CD81: variants seen among roughly 807,000 people sequenced by gnomAD.
CD81 encodes the protein CD81 antigen.
Under a neutral mutation model 30.1 loss-of-function variants are expected in CD81, and 10 were observed. The observed-to-expected ratio is 0.33, with a 90% confidence interval of 0.21 to 0.56. The LOEUF is 0.56. CD81 is among the 20% of genes least tolerant of loss of function. The pLI is 0.89. For synonymous variants in CD81, 147 were observed against 126.4 expected (o/e 1.16, Z -1.10); for missense variants, 263 against 308.7 (o/e 0.85, Z 1.11).
At chr11:2,379,733 T>A (rs1346027257) in intron 1 of CD81, among the ~76,000 whole-genome samples, 1 of 151,982 alleles carries the variant, frequency 6.6e-6, no homozygotes, top group Non-Finnish European at 1.5e-5. Context: ...CAAGGAAATG[T>A]CTCTGAGGCC....
At position 2,378,112 on chromosome 11, in the gene CD81, C is replaced by G. The variant is rs998287079; in HGVS notation, c.66+497C>G. ...GGTGGGGCGGGGGCGCACACTTTGC[C>G]GGAGGTTGGGGGCGATCCGCCTCAC... On this transcript the variant is annotated intron_variant, in intron 1 of 7. Coordinates refer to ENST00000263645, the MANE Select transcript of CD81 (RefSeq NM_004356.4). This position sits in a 1 kb window ranked among gnomAD's most constrained non-coding sequence, Gnocchi z 4.9. 1 of 152,068 alleles carries G rather than the reference C, an allele frequency of 6.6e-6. No homozygotes were observed. The highest frequency in any genetic ancestry group is 1.5e-5 in the Non-Finnish European group (1 of 68,040). The allele number at this position is 152,068 out of a possible 1,614,324, so 9.4% of individuals were successfully genotyped here.
At position 2,378,563 on chromosome 11, in the gene CD81, G is replaced by C. The variant is rs2133437872; in HGVS notation, c.66+948G>C. Among the ~76,000 whole-genome samples, 1 of 152,270 alleles carries C rather than the reference G, an allele frequency of 6.6e-6. No homozygotes were observed. The highest frequency in any genetic ancestry group is 1.9e-4 in the East Asian group (1 of 5,164). ...TCTTTGCTGCTGGGAAGTGACTGAT[G>C]GGCTTTCGCCTTTTGTTTCCATTTC... is the stretch of plus-strand genomic sequence containing the variant. On this transcript the variant is annotated intron_variant, in intron 1 of 7. Transcript: ENST00000263645. This position sits in a 1 kb window ranked among gnomAD's most constrained non-coding sequence, Gnocchi z 4.9.
upstream of CD81, chr11:2,376,348 T>C (rs576714277): frequency 2.0e-5 from 3 of 152,388 alleles, no homozygotes; most frequent in East Asian, 5.8e-4. Flanking sequence ...TGGTCCCACG[T>C]GGTTCCCAGG....
chr11:2,394,840 C>T, intron 3 of CD81, 132 bp from the exon 4 acceptor site: 2 of 827,714 alleles, frequency 2.4e-6, no homozygotes, highest in Non-Finnish European at 4.1e-6. Context: ...GCCGCTCACT[C>T]CTGGTCAGGT....
At position 2,396,062 on chromosome 11, in the gene CD81, C is replaced by T. The variant is rs909832483; in HGVS notation, c.561+92C>T. On this transcript the variant is annotated intron_variant, in intron 6 of 7. Coordinates refer to ENST00000263645, the MANE Select transcript of CD81 (RefSeq NM_004356.4). ...GTGGGCAGGTCACACGGCAGCCCCA[C>T]AGGGAGCGACCACACTGGGTGGCAT... 4.1e-5 allele frequency: 33 copies of T among 797,598 alleles called. No homozygotes were observed. In the Middle Eastern group the frequency reaches 1.3e-3, roughly 32 times the overall value. The allele number at this position is 797,598 out of a possible 1,614,324, so 49.4% of individuals were successfully genotyped here.
At chr11:2,381,990 C>T (rs1000324215) in intron 1 of CD81, among the ~76,000 whole-genome samples, 10 of 152,248 alleles carry the variant, frequency 6.6e-5, no homozygotes, top group East Asian at 3.8e-4. Context: ...TGGGCCCAAA[C>T]TAAGCCCCCC....
chr11:2,395,114 G>C lies in CD81; in HGVS notation c.354+68G>C. Reference sequence around the variant, plus strand: ...GGCACCCTCCTCTCCTGTCGCGGGTGGGGGTTGGGCTGACTCATGGCTTGT... The same window carrying C: ...GGCACCCTCCTCTCCTGTCGCGGGTCGGGGTTGGGCTGACTCATGGCTTGT... On this transcript the variant is annotated intron_variant, in intron 4 of 7. Coordinates refer to ENST00000263645, the MANE Select transcript of CD81 (RefSeq NM_004356.4). 4 of 1,367,334 alleles carry C rather than the reference G, an allele frequency of 2.9e-6. No homozygotes were observed. In the South Asian group the frequency reaches 4.7e-5, roughly 16 times the overall value. The allele number at this position is 1,367,334 out of a possible 1,614,324, so 84.7% of individuals were successfully genotyped here. A position where few individuals can be genotyped will look rare whatever the true frequency, so the allele number is the denominator to read the frequency against.
In CD81 at chr11:2,386,107, C is replaced by T. The variant is rs544481065; in HGVS notation, c.67-4305C>T. ...TTCGTGGCAGCCAGTCCACTGGGTG[C>T]GCTCGGCATGTGGCTGCAGCTTGAC... On this transcript the variant is annotated intron_variant, in intron 1 of 7. Coordinates refer to ENST00000263645, the MANE Select transcript of CD81 (RefSeq NM_004356.4). The T allele has an allele frequency of 3.8e-5, 27 of 717,404 alleles. 1 individual carries two copies. Among genetic ancestry groups the T allele is most frequent in the South Asian group, 2.8e-4 (19 of 67,596 alleles). 44.4% of individuals were successfully genotyped at this position (717,404 alleles called of 1,614,324 possible).
At chr11:2,382,817 C>T (rs1337229989) in intron 1 of CD81, among the ~76,000 whole-genome samples, 1 of 152,158 alleles carries the variant, frequency 6.6e-6, no homozygotes, top group Non-Finnish European at 1.5e-5. Flanking sequence ...GGACCCAGGC[C>T]GATGGGGGCC....
intron 1 of CD81, among the ~76,000 whole-genome samples, chr11:2,383,647 G>A (rs995782553): frequency 6.6e-6 from 1 of 152,226 alleles, no homozygotes; most frequent in Admixed American, 6.5e-5. Flanking sequence ...GTGTCGGTGA[G>A]CAGGCACAGA....
chr11:2,377,396 C>G lies in CD81; in HGVS notation c.-154C>G. On this transcript the variant is annotated 5_prime_UTR_variant, in exon 1 of 8. Coordinates refer to ENST00000263645, the MANE Select transcript of CD81 (RefSeq NM_004356.4). The surrounding 1 kb of genome is among the most constrained non-coding windows in gnomAD (Gnocchi z 7.7). ...CCTCCGGCGCCCAGCGCCCCACGCG[C>G]CCCCGCGCCCCCGCGCCCCCGCGCC... 1 of 146,628 alleles carries G rather than the reference C, an allele frequency of 6.8e-6. No homozygotes were observed. The highest frequency in any genetic ancestry group is 1.5e-5 in the Non-Finnish European group (1 of 66,420). The allele number at this position is 146,628 out of a possible 1,614,324, so 9.1% of individuals were successfully genotyped here. A position where few individuals can be genotyped will look rare whatever the true frequency, so the allele number is the denominator to read the frequency against.
At chr11:2,396,535 G>A (rs149245816) in intron 6 of CD81, 93 bp from the exon 7 acceptor site, 33 of 1,116,228 alleles carry the variant, frequency 3.0e-5, no homozygotes, top group South Asian at 6.2e-5. Flanking sequence ...TCCCCTCTAC[G>A]CTTTCTGTGG....
chr11:2,396,720 C>T lies in CD81; in HGVS notation c.648+6C>T, dbSNP rs559148512. The T allele has an allele frequency of 1.9e-5, 31 of 1,611,272 alleles. 2 individuals carry two copies. In the African/African-American group the frequency reaches 2.8e-4, roughly 15 times the overall value. On this transcript the variant is annotated splice_donor_region_variant and intron_variant, in intron 7 of 7. Coordinates refer to ENST00000263645, the MANE Select transcript of CD81 (RefSeq NM_004356.4). ...TCGTGGTCGCTGTGATCATGGTGAG[C>T]GGGCGGGGGCGGAGGGCCTGCTCTC...
chr11:2,377,863 G>T lies in CD81; in HGVS notation c.66+248G>T. The T allele has an allele frequency of 4.3e-6, 1 of 233,416 alleles. No homozygotes were observed. The highest frequency in any genetic ancestry group is 8.4e-6 in the Non-Finnish European group (1 of 119,412). The allele number at this position is 233,416 out of a possible 1,614,324, so 14.5% of individuals were successfully genotyped here. The stretch of plus-strand genomic sequence containing the variant: ...GGGGCCCACCTCTGCGGCCGGGCCG[G>T]GGCTTCTGGGGGCCGCCGGGCAGTT... On this transcript the variant is annotated intron_variant, in intron 1 of 7. Coordinates refer to ENST00000263645, the MANE Select transcript of CD81 (RefSeq NM_004356.4). This position sits in a 1 kb window ranked among gnomAD's most constrained non-coding sequence, Gnocchi z 7.7.
At chr11:2,395,395 G>A (rs764817634) in intron 4 of CD81, 21 bp from the exon 5 acceptor site, 37 of 1,590,098 alleles carry the variant, frequency 2.3e-5, no homozygotes, top group Non-Finnish European at 3.1e-5. Context: ...CCCTGTGCAT[G>A]TGACCGCACC....
At chr11:2,389,353 A>G (rs1205047012) in intron 1 of CD81, among the ~76,000 whole-genome samples, 2 of 152,170 alleles carry the variant, frequency 1.3e-5, no homozygotes, top group Non-Finnish European at 2.9e-5. Flanking sequence ...CAGGGACAGC[A>G]GAGGACAAGC....
rs908103201 is a variant in CD81 at position 2,397,188 on chromosome 11, A to G, written c.*322A>G. 9 of 438,404 alleles carry G rather than the reference A, an allele frequency of 2.1e-5. No homozygotes were observed. Among genetic ancestry groups the G allele is most frequent in the African/African-American group, 1.6e-4 (8 of 49,668 alleles). 27.2% of individuals were successfully genotyped at this position (438,404 alleles called of 1,614,324 possible). A position where few individuals can be genotyped will look rare whatever the true frequency, so the allele number is the denominator to read the frequency against. On this transcript the variant is annotated 3_prime_UTR_variant, in exon 8 of 8. Coordinates refer to ENST00000263645, the MANE Select transcript of CD81 (RefSeq NM_004356.4). ...CTGGGAGCCACTCGCCCAGAGACTC[A>G]GCTTGGCCAACTTGGGGGGCTGTGT...
intron 2 of CD81, 107 bp from the exon 3 acceptor site, chr11:2,393,988 A>G (rs768183072): frequency 2.2e-5 from 18 of 832,938 alleles, no homozygotes; most frequent in Non-Finnish European, 3.8e-5. Flanking sequence ...GCAACCCTAC[A>G]TCTTCCCAGC....
chr11:2,386,314 G>C lies in CD81; in HGVS notation c.67-4098G>C, dbSNP rs1849797459. The C allele has an allele frequency of 7.9e-6, 5 of 630,844 alleles. No homozygotes were observed. In the East Asian group the frequency reaches 1.4e-4, roughly 17 times the overall value. 39.1% of individuals were successfully genotyped at this position (630,844 alleles called of 1,614,324 possible). On this transcript the variant is annotated intron_variant, in intron 1 of 7. Transcript: ENST00000263645. Reference sequence around the variant, plus strand: ...CGTTCAGGGCACAGGTCCTTTACCAGGCTCTGCCCCAGGTCTTTCGGAGAG... The same window carrying C: ...CGTTCAGGGCACAGGTCCTTTACCACGCTCTGCCCCAGGTCTTTCGGAGAG...
Sources: gnomAD v4.1 joint callset for allele counts (sites outside exome capture counted in the v4.1 genomes callset) on GRCh38, gnomAD v4.1.1 for gene constraint, Gnocchi (gnomAD v3.1) non-coding constraint, MANE v1.5 for transcripts, NCBI Gene and HGNC (gene_info 2026-07-23, HGNC 2026-07-21) for gene names.